CNTN4: variants seen among roughly 807,000 people sequenced by gnomAD.
The protein encoded by CNTN4 is contactin 4, also known as contactin-4.
CNTN4 carries 77 observed loss-of-function variants against 122.5 expected under a neutral mutation model. The observed-to-expected ratio is 0.63, with a 90% confidence interval of 0.52 to 0.76. The LOEUF is 0.76. Among genes scored for constraint, CNTN4 ranks in the 30% least tolerant of loss-of-function variants. The pLI, the probability that CNTN4 is intolerant of heterozygous loss-of-function variation, is 0.00. For synonymous variants in CNTN4, 512 were observed against 447.0 expected, an observed-to-expected ratio of 1.15 and a Z score of -1.83; for missense variants, 1,256 against 1,259.1, an observed-to-expected ratio of 1.00 and a Z score of 0.04.
intron 14 of CNTN4, among the ~76,000 whole-genome samples, chr3:2,999,325 A>G (rs1156533788): frequency 6.6e-6 from 1 of 152,226 alleles, no homozygotes; most frequent in African/African-American, 2.4e-5. Context: ...TGTAATATCT[A>G]TGTGGGGAAG....
intron 4 of CNTN4, among the ~76,000 whole-genome samples, chr3:2,677,234 TCTATATAC>T (rs1418659171): frequency 1.3e-5 from 2 of 150,148 alleles, no homozygotes; most frequent in Non-Finnish European, 3.0e-5. Context: ...TATAGAGAGA[TCTATATAC>T]CTATATATCT....
At chr3:2,683,566 TTTTCCATTATTATTGATG>T (rs1378072494) in intron 4 of CNTN4, among the ~76,000 whole-genome samples, 2 of 152,110 alleles carry the variant, frequency 1.3e-5, no homozygotes, top group Non-Finnish European at 2.9e-5. Flanking sequence ...CTTCGAATGT[TTTTCCATTATTATTGATG>T]TTGATAATGG....
chr3:3,004,676 T>C (rs1559777496), intron 14 of CNTN4, among the ~76,000 whole-genome samples: 1 of 152,256 alleles, frequency 6.6e-6, no homozygotes, highest in Non-Finnish European at 1.5e-5. Flanking sequence ...AATTAGATGA[T>C]GTTTTAACCT....
chr3:2,689,849 A>G (rs2085633194), intron 4 of CNTN4, among the ~76,000 whole-genome samples: 1 of 152,094 alleles, frequency 6.6e-6, no homozygotes, highest in Admixed American at 6.6e-5. Flanking sequence ...GCACATACAT[A>G]AAAATTCTTA....
intron 3 of CNTN4, among the ~76,000 whole-genome samples, chr3:2,400,422 T>TATACAC (rs1051136179): frequency 3.9e-4 from 23 of 59,334 alleles, no homozygotes; most frequent in African/African-American, 1.1e-3. Flanking sequence ...TATATATATA[T>TATACAC]ATATACATAT....
Position 2,957,540 on chromosome 3 carries a change from C to T in CNTN4, c.1359-30805C>T, listed in dbSNP as rs776383892. 5.4e-4 allele frequency among the ~76,000 whole-genome samples: 82 copies of T among 152,192 alleles called. 1 individual carries two copies. The highest frequency in any genetic ancestry group is 1.0e-3 in the Admixed American group (16 of 15,274). On this transcript the variant is annotated intron_variant, in intron 13 of 24. Transcript: ENST00000418658. ...GCTTGGACTACAGATGACCCCGTCACGCATGTAGTGAGCATAGCACCTAAT... is the reference window on the plus strand; with the variant it reads ...GCTTGGACTACAGATGACCCCGTCATGCATGTAGTGAGCATAGCACCTAAT...
intron 6 of CNTN4, among the ~76,000 whole-genome samples, chr3:2,811,822 T>G (rs1462923909): frequency 1.3e-5 from 2 of 151,906 alleles, no homozygotes; most frequent in Admixed American, 1.3e-4. Context: ...CATGTCACCA[T>G]ACCCAGCTAA....
At chr3:2,371,790 A>G (rs1327002470) in intron 3 of CNTN4, among the ~76,000 whole-genome samples, 3 of 152,188 alleles carry the variant, frequency 2.0e-5, no homozygotes, top group African/African-American at 7.2e-5. Context: ...TTCTCACTAG[A>G]CCTGTTAGAA....
At chr3:2,283,126 A>T (rs1678185947) in intron 2 of CNTN4, among the ~76,000 whole-genome samples, 1 of 152,158 alleles carries the variant, frequency 6.6e-6, no homozygotes, top group Non-Finnish European at 1.5e-5. Context: ...AAAAAGGTTA[A>T]ATGGTAAATG....
intron 4 of CNTN4, among the ~76,000 whole-genome samples, chr3:2,590,877 A>T (rs1269237779): frequency 6.6e-6 from 1 of 152,188 alleles, no homozygotes; most frequent in Non-Finnish European, 1.5e-5. Context: ...TTATTAAAAA[A>T]AAAAGCTGTA....
chr3:2,358,525 A>G (rs560143715), intron 3 of CNTN4, among the ~76,000 whole-genome samples: 1 of 152,012 alleles, frequency 6.6e-6, no homozygotes, highest in East Asian at 1.9e-4. Flanking sequence ...TCAAAACTGA[A>G]CGATTAATAG....
intron 13 of CNTN4, among the ~76,000 whole-genome samples, chr3:2,970,982 T>C (rs1692857110): frequency 6.6e-6 from 1 of 152,140 alleles, no homozygotes; most frequent in Admixed American, 6.5e-5. Context: ...AGACAGGGTT[T>C]CACCATGTTA....
chr3:2,947,703 G>A (rs1235249301), intron 13 of CNTN4, among the ~76,000 whole-genome samples: 1 of 152,120 alleles, frequency 6.6e-6, no homozygotes, highest in East Asian at 1.9e-4. Context: ...TTCCCAGATT[G>A]TATTAAAATC....
At chr3:2,893,939 T>C (rs1413243028) in intron 10 of CNTN4, among the ~76,000 whole-genome samples, 1 of 152,196 alleles carries the variant, frequency 6.6e-6, no homozygotes, top group Non-Finnish European at 1.5e-5. Context: ...TTATGTGAGT[T>C]ATATCTACCC....
At chr3:2,117,258 C>T (rs2033419790) in intron 2 of CNTN4, among the ~76,000 whole-genome samples, 1 of 152,120 alleles carries the variant, frequency 6.6e-6, no homozygotes, top group South Asian at 2.1e-4. Context: ...CAGGGAAACA[C>T]GTTTACTGGT....
intron 2 of CNTN4, among the ~76,000 whole-genome samples, chr3:2,194,702 C>T (rs1468232877): frequency 1.3e-5 from 2 of 152,124 alleles, no homozygotes; most frequent in Non-Finnish European, 2.9e-5. Flanking sequence ...GAGGGCCACG[C>T]AAAGATTGAC....
intron 4 of CNTN4, among the ~76,000 whole-genome samples, chr3:2,577,635 G>A (rs1355435134): frequency 6.6e-6 from 1 of 152,092 alleles, no homozygotes; most frequent in Non-Finnish European, 1.5e-5. Flanking sequence ...ATGCCGATAG[G>A]GTTAGAGCTC....
intron 2 of CNTN4, among the ~76,000 whole-genome samples, chr3:2,295,363 C>T (rs201517022): frequency 0.069 from 6,960 of 100,600 alleles, 361 homozygotes; most frequent in East Asian, 0.19. Context: ...TTTGAATGAT[C>T]GCCATTGTAA....
intron 3 of CNTN4, among the ~76,000 whole-genome samples, chr3:2,555,263 G>C (rs1433563456): frequency 1.3e-5 from 2 of 152,176 alleles, no homozygotes; most frequent in African/African-American, 4.8e-5. Context: ...ATAATTTCCT[G>C]ATTAGTCCCT....
Sources: gnomAD v4.1 joint callset for allele counts (sites outside exome capture counted in the v4.1 genomes callset) on GRCh38, gnomAD v4.1.1 for gene constraint, MANE v1.5 for transcripts, NCBI Gene and HGNC (gene_info 2026-07-23, HGNC 2026-07-21) for gene names.